The following TCTA variants were observed in gnomAD, a reference collection of about 807,000 sequenced individuals.
TCTA encodes the protein T-cell leukemia translocation-altered gene protein.
Under a neutral mutation model 13.5 loss-of-function variants are expected in TCTA, and 13 were observed. The ratio of observed to expected loss-of-function variants is 0.96; its 90% CI spans 0.63 to 1.53. TCTA has a LOEUF of 1.53. TCTA is among the 40% of genes most tolerant of loss of function. The probability of loss-of-function intolerance (pLI) is 0.00; values close to 1 mark genes in which losing one functional copy is unlikely to be tolerated. For synonymous variants in TCTA, 58 were observed against 59.0 expected, an observed-to-expected ratio of 0.98 and a Z score of 0.08; for missense variants, 138 against 131.3, an observed-to-expected ratio of 1.05 and a Z score of -0.25.
chr3:49,412,443 C>G lies in TCTA; in HGVS notation c.17C>G (p.Ser6Cys). The G allele has an allele frequency of 6.2e-7, 1 of 1,611,210 alleles. No individual in the cohort carries two copies. The highest frequency in any genetic ancestry group is 8.5e-7 in the Non-Finnish European group (1 of 1,179,730). Residue 6 changes from serine to cysteine, a missense_variant, in exon 1 of 3, where the codon TCT becomes TGT. By Grantham distance (112) the Ser-to-Cys change is moderately radical. Coordinates refer to ENST00000273590, the MANE Select transcript of TCTA (RefSeq NM_022171.3). ...GGGCCAGTCATGGCGGAGTCCTGGT[C>G]TGGGCAGGCCTTGCAGGCTCTGCCG... is the stretch of plus-strand genomic sequence containing the variant. MAESW[S>C]GQALQALPAT...
intron 2 of TCTA, among the ~76,000 whole-genome samples, chr3:49,414,255 G>C (rs972852697): frequency 2.0e-5 from 3 of 151,540 alleles, no homozygotes; most frequent in African/African-American, 7.3e-5. Flanking sequence ...AAAATAACAG[G>C]CCGGGCATGG....
intron 2 of TCTA, 110 bp from the exon 3 acceptor site, chr3:49,414,710 C>T: frequency 1.5e-6 from 2 of 1,345,088 alleles, no homozygotes; most frequent in Non-Finnish European, 2.1e-6. Context: ...TGTTATGTGA[C>T]CTTACTGAGC....
rs749585195 is a variant in TCTA at position 49,414,860 on chromosome 3, T to A, written c.310T>A (p.Ter104LysextTer37). 6.2e-7 allele frequency: 1 copy of A among 1,613,746 alleles called. No homozygotes were observed. Among genetic ancestry groups the A allele is most frequent in the South Asian group, 1.1e-5 (1 of 91,068 alleles). Reference sequence around the variant, plus strand: ...CGAACCTCTCAAAACCCACAGAGAATAAGGGAAGGCAGCAGAGGGTCTCCA... The same window carrying A: ...CGAACCTCTCAAAACCCACAGAGAAAAAGGGAAGGCAGCAGAGGGTCTCCA... Reference protein sequence around the residue: ...ANEPLKTHRE* With the variant: ...ANEPLKTHREK The change falls in exon 3 of 3, where the codon TAA (stop) becomes AAA (lysine). Residue 104 changes from the stop codon to lysine, a stop_lost. Transcript: ENST00000273590.
In TCTA at chr3:49,412,627, G is replaced by A. The variant is rs145281373; in HGVS notation, c.201G>A (p.Leu67=). 3.5e-4 allele frequency: 558 copies of A among 1,613,918 alleles called. No homozygotes were observed. Among genetic ancestry groups the A allele is most frequent in the Non-Finnish European group, 4.6e-4 (542 of 1,179,880 alleles). Residue 67 remains leucine (L), a synonymous_variant, in exon 1 of 3, where the codon TTG becomes TTA. Coordinates refer to ENST00000273590, the MANE Select transcript of TCTA (RefSeq NM_022171.3). ...WGFYGNTVTG[L]YHRPGLGGQN... is the part of the protein sequence containing the mutation. The stretch of plus-strand genomic sequence containing the variant: ...TCTACGGGAATACAGTGACCGGGTT[G>A]TATCACCGTCCAGGTGAGGCTTCCT...
intron 2 of TCTA, chr3:49,413,574 T>C (rs1466169735): frequency 6.4e-6 from 1 of 155,862 alleles, no homozygotes; most frequent in East Asian, 1.9e-4. Flanking sequence ...GCCCTGCTCA[T>C]GGGGAGCCAG....
At chr3:49,414,769 G>A (rs982459987) in intron 2 of TCTA, 51 bp from the exon 3 acceptor site, 13 of 1,611,662 alleles carry the variant, frequency 8.1e-6, no homozygotes, top group Non-Finnish European at 1.1e-5. Flanking sequence ...TTCAGCAACT[G>A]TTCTGCCCAT....
In TCTA at chr3:49,412,646, G is replaced by C. The variant is rs1232775961; in HGVS notation, c.214+6G>C. On this transcript the variant is annotated splice_donor_region_variant and intron_variant, in intron 1 of 2. Transcript: ENST00000273590. ...CGGGTTGTATCACCGTCCAGGTGAG[G>C]CTTCCTACGAACCTCCGTGGGCTGG... 1.2e-6 allele frequency: 2 copies of C among 1,612,138 alleles called. No homozygotes were observed. Among genetic ancestry groups the C allele is most frequent in the Non-Finnish European group, 1.7e-6 (2 of 1,178,318 alleles).
chr3:49,415,715 G>A lies in TCTA; in HGVS notation c.*853G>A, dbSNP rs1267212528. 1.3e-5 allele frequency: 2 copies of A among 152,152 alleles called. No individual in the cohort carries two copies. The highest frequency in any genetic ancestry group is 2.9e-5 in the Non-Finnish European group (2 of 68,054). The allele number at this position is 152,152 out of a possible 1,614,324, so 9.4% of individuals were successfully genotyped here. Reference sequence around the variant, plus strand: ...GGCCATTCAGGTATAAGGCAGGGTGGTGTACCTGCTGGCACTATCCAGATG... The same window carrying A: ...GGCCATTCAGGTATAAGGCAGGGTGATGTACCTGCTGGCACTATCCAGATG... On this transcript the variant is annotated 3_prime_UTR_variant, in exon 3 of 3. Transcript: ENST00000273590.
In TCTA at chr3:49,414,827, G is replaced by T. The variant is rs573408965; in HGVS notation, c.277G>T (p.Ala93Ser). The change falls in exon 3 of 3, where the codon GCA (alanine) becomes TCA (serine). Residue 93 changes from alanine to serine, a missense_variant. Ala to Ser is a moderately conservative substitution (Grantham distance 99). Transcript: ENST00000273590. ...TCTCTCCATCACTTTCAGGGAAATGGCAGCAAACGAACCTCTCAAAACCCA... is the reference window on the plus strand; with the variant it reads ...TCTCTCCATCACTTTCAGGGAAATGTCAGCAAACGAACCTCTCAAAACCCA... ...GSTHFPSWEMAANEPLKTHRE is the reference protein window; with the variant it reads ...GSTHFPSWEMSANEPLKTHRE The T allele has an allele frequency of 1.2e-6, 2 of 1,613,780 alleles. No individual in the cohort carries two copies. The highest frequency in any genetic ancestry group is 1.7e-5 in the Admixed American group (1 of 59,994).
Position 49,412,565 on chromosome 3 carries a change from GTGT to G in TCTA, c.141_143del (p.Leu48del). 1 of 1,614,270 alleles carries G rather than the reference GTGT, an allele frequency of 6.2e-7. No individual in the cohort carries two copies. Among genetic ancestry groups the G allele is most frequent in the Non-Finnish European group, 8.5e-7 (1 of 1,180,050 alleles). ...CTTCAAGCTGCTGCTGCTGTGGTTGGTGTTAAGTCTCCTGGGCATCCAGCTGGC... is the reference window on the plus strand; with the variant it reads ...CTTCAAGCTGCTGCTGCTGTGGTTGGTAAGTCTCCTGGGCATCCAGCTGGC... On this transcript the variant is annotated inframe_deletion, in exon 1 of 3. Coordinates refer to ENST00000273590, the MANE Select transcript of TCTA (RefSeq NM_022171.3).
intron 2 of TCTA, chr3:49,413,386 C>T: frequency 2.1e-6 from 1 of 479,062 alleles, no homozygotes; most frequent in East Asian, 3.8e-5. Context: ...TTCCACTCTG[C>T]ACAATCCCCT....
Position 49,412,635 on chromosome 3 carries a change from G to A in TCTA, c.209G>A (p.Arg70His). ...YGNTVTGLYH[R>H]PGLGGQNGST... ...AATACAGTGACCGGGTTGTATCACCGTCCAGGTGAGGCTTCCTACGAACCT... is the reference window on the plus strand; with the variant it reads ...AATACAGTGACCGGGTTGTATCACCATCCAGGTGAGGCTTCCTACGAACCT... The change falls in exon 1 of 3, where the codon CGT (arginine) becomes CAT (histidine). Residue 70 changes from arginine to histidine, a missense_variant. By Grantham distance (29) the Arg-to-His change is conservative. Transcript: ENST00000273590. The A allele has an allele frequency of 1.2e-6, 2 of 1,613,350 alleles. No individual in the cohort carries two copies. Among genetic ancestry groups the A allele is most frequent in the South Asian group, 1.1e-5 (1 of 91,068 alleles).
At chr3:49,413,201 A>T (rs2107924600) in intron 2 of TCTA, 91 bp downstream of exon 2, 1 of 1,451,996 alleles carries the variant, frequency 6.9e-7, no homozygotes, top group African/African-American at 1.4e-5. Flanking sequence ...TCAGGCTTTA[A>T]GCCCACCAGC....
chr3:49,412,482 G>A lies in TCTA; in HGVS notation c.56G>A (p.Gly19Asp). Residue 19 changes from glycine to aspartate, a missense_variant, in exon 1 of 3, where the codon GGC (glycine) becomes GAC (aspartate). Physicochemically the swap from Gly to Asp is moderately conservative, Grantham distance 94. Transcript: ENST00000273590. ...ALQALPATVL[G>D]ALGSEFLREW... is the part of the protein sequence containing the mutation. ...CAGGCTCTGCCGGCCACGGTGCTGG[G>A]CGCGCTGGGCAGCGAGTTCTTGCGG... is the stretch of plus-strand genomic sequence containing the variant. 1 of 1,613,908 alleles carries A rather than the reference G, an allele frequency of 6.2e-7. No homozygotes were observed.
intron 2 of TCTA, among the ~76,000 whole-genome samples, chr3:49,414,094 A>G (rs1403705946): frequency 6.6e-6 from 1 of 151,770 alleles, no homozygotes; most frequent in Non-Finnish European, 1.5e-5. Flanking sequence ...AGAAAAAATT[A>G]GCTGGGCATG....
In TCTA at chr3:49,416,149, A is replaced by C. The variant is rs1260305603; in HGVS notation, c.*1287A>C. On this transcript the variant is annotated 3_prime_UTR_variant, in exon 3 of 3. Transcript: ENST00000273590. The stretch of plus-strand genomic sequence containing the variant: ...GAGTTTCCAAAGATGTGGGTGGCAA[A>C]TGCCCCTATAGAAACACCAGTACCT... 5 of 153,268 alleles carry C rather than the reference A, an allele frequency of 3.3e-5. No individual in the cohort carries two copies. Among genetic ancestry groups the C allele is most frequent in the African/African-American group, 1.2e-4 (5 of 41,416 alleles). 9.5% of individuals were successfully genotyped at this position (153,268 alleles called of 1,614,324 possible). A position where few individuals can be genotyped will look rare whatever the true frequency, so the allele number is the denominator to read the frequency against.
chr3:49,412,897 C>T (rs369296331), intron 1 of TCTA, 159 bp from the exon 2 acceptor site: 40 of 770,464 alleles, frequency 5.2e-5, no homozygotes, highest in African/African-American at 4.4e-4. Context: ...CACATTGTAT[C>T]TGTTCCTCAG....
chr3:49,415,051 T>A lies in TCTA; in HGVS notation c.*189T>A. 1 of 625,566 alleles carries A rather than the reference T, an allele frequency of 1.6e-6. No individual in the cohort carries two copies. The highest frequency in any genetic ancestry group is 2.8e-5 in the East Asian group (1 of 35,382). The allele number at this position is 625,566 out of a possible 1,614,324, so 38.8% of individuals were successfully genotyped here. A position where few individuals can be genotyped will look rare whatever the true frequency, so the allele number is the denominator to read the frequency against. On this transcript the variant is annotated 3_prime_UTR_variant, in exon 3 of 3. Transcript: ENST00000273590. ...CTCCCTCACCCAGGCACTGGGCAAG[T>A]GAAGAGTTTGCCTGTACTCTTATCT...
At chr3:49,413,224 G>A in intron 2 of TCTA, 114 bp downstream of exon 2, 1 of 1,207,854 alleles carries the variant, frequency 8.3e-7, no homozygotes, top group Non-Finnish European at 1.2e-6. Context: ...AATGGCCTTT[G>A]CAGCAAGCTT....
Sources: allele counts gnomAD v4.1 joint callset (sites outside exome capture counted in the v4.1 genomes callset), GRCh38; gene constraint gnomAD v4.1.1; transcripts MANE v1.5; gene names NCBI Gene and HGNC (gene_info 2026-07-23, HGNC 2026-07-21).